SCARB1: variants seen among roughly 807,000 people sequenced by gnomAD.
The protein encoded by SCARB1 is scavenger receptor class B member 1, also known as CD36 and LIMPII analogous 1.
Under a neutral mutation model 57.2 loss-of-function variants are expected in SCARB1, and 30 were observed. The ratio of observed to expected loss-of-function variants is 0.52; its 90% CI spans 0.39 to 0.71. SCARB1 has a LOEUF of 0.71. Ranked by LOEUF, SCARB1 falls within the 30% of genes least tolerant of loss-of-function variation. SCARB1 has a pLI of 0.00. For synonymous variants in SCARB1, 249 were observed against 268.3 expected, an observed-to-expected ratio of 0.93 and a Z score of 0.70; for missense variants, 543 against 671.2, an observed-to-expected ratio of 0.81 and a Z score of 2.11.
intron 1 of SCARB1, among the ~76,000 whole-genome samples, chr12:124,828,075 A>G (rs1951236398): frequency 6.6e-6 from 1 of 152,178 alleles, no homozygotes; most frequent in Non-Finnish European, 1.5e-5. Context: ...AGCGGGTGGT[A>G]ACGCTAGTCC....
Position 124,797,804 on chromosome 12 carries a change from G to A in SCARB1, c.1128+2320C>T, listed in dbSNP as rs926640295. Among the ~76,000 whole-genome samples, 54 of 152,246 alleles carry A rather than the reference G, an allele frequency of 3.5e-4. 1 individual carries two copies. Among genetic ancestry groups the A allele is most frequent in the Non-Finnish European group, 5.0e-4 (34 of 68,044 alleles). ...CGAGAGGGCCTAGTCAGCGGCTAAG[G>A]AGGCCTGGGAGGACAAAGAAAAATG... On this transcript the variant is annotated intron_variant, in intron 8 of 12. Coordinates refer to ENST00000261693, the MANE Select transcript of SCARB1 (RefSeq NM_005505.5).
intron 1 of SCARB1, among the ~76,000 whole-genome samples, chr12:124,835,587 A>T (rs1042221366): frequency 1.1e-4 from 16 of 151,932 alleles, no homozygotes; most frequent in African/African-American, 3.4e-4. Flanking sequence ...TTTTTCATAA[A>T]TTTTTTTTAA....
chr12:124,815,519 T>C (rs1010694758), intron 2 of SCARB1, among the ~76,000 whole-genome samples: 2 of 152,194 alleles, frequency 1.3e-5, no homozygotes, highest in African/African-American at 4.8e-5. Flanking sequence ...CTGCTGTCCT[T>C]ATGATCTCTC....
intron 5 of SCARB1, 26 bp downstream of exon 5, chr12:124,811,844 A>AG (rs754627228): frequency 1.3e-6 from 2 of 1,535,494 alleles, no homozygotes; most frequent in Non-Finnish European, 1.8e-6. Flanking sequence ...CCCTGGCGAC[A>AG]GGGGCCCTCG....
intron 12 of SCARB1, among the ~76,000 whole-genome samples, chr12:124,781,818 C>T: frequency 6.6e-6 from 1 of 151,494 alleles, no homozygotes; most frequent in East Asian, 1.9e-4. Context: ...CCCTCAGATC[C>T]AGTCCCAGGT....
chr12:124,798,837 T>G (rs1594226221), intron 8 of SCARB1, among the ~76,000 whole-genome samples: 1 of 135,954 alleles, frequency 7.4e-6, no homozygotes, highest in African/African-American at 2.9e-5. Flanking sequence ...AGAGTGAAAC[T>G]CCATCTCAGA....
chr12:124,847,666 C>T (rs893128754), intron 1 of SCARB1, among the ~76,000 whole-genome samples: 3 of 152,184 alleles, frequency 2.0e-5, no homozygotes, highest in Admixed American at 6.5e-5. Context: ...GACACATCAC[C>T]GCTCAAAGGC....
chr12:124,836,076 G>A (rs1430277192), intron 1 of SCARB1, among the ~76,000 whole-genome samples: 1 of 152,196 alleles, frequency 6.6e-6, no homozygotes, highest in Non-Finnish European at 1.5e-5. Context: ...CCCTGCCTGA[G>A]CATCCAAAGC....
At chr12:124,806,698 C>A (rs1950336093) in intron 7 of SCARB1, among the ~76,000 whole-genome samples, 1 of 152,104 alleles carries the variant, frequency 6.6e-6, no homozygotes, top group African/African-American at 2.4e-5. Flanking sequence ...TGTTTGAGAC[C>A]AGCCTGGGCA....
chr12:124,813,377 G>A (rs1950590166), intron 4 of SCARB1, among the ~76,000 whole-genome samples: 1 of 152,196 alleles, frequency 6.6e-6, no homozygotes, highest in African/African-American at 2.4e-5. Flanking sequence ...TCTTGAGGAT[G>A]AAAACCACAT....
rs1287981564 is a variant in SCARB1 at position 124,789,991 on chromosome 12, CAG to C, written c.1203-2536_1203-2535del. On this transcript the variant is annotated intron_variant, in intron 9 of 12. Coordinates refer to ENST00000261693, the MANE Select transcript of SCARB1 (RefSeq NM_005505.5). This position sits in a 1 kb window ranked among gnomAD's most constrained non-coding sequence, Gnocchi z 4.4. ...ATGCCATTGCACTCCAGCCTGGCGA[CAG>C]AGTGAGACTCCGTCTCAAAAAAAAA... Among the ~76,000 whole-genome samples the C allele has an allele frequency of 1.3e-4, 18 of 140,080 alleles. No individual in the cohort carries two copies. The highest frequency in any genetic ancestry group is 2.4e-4 in the Non-Finnish European group (16 of 66,828). 91.9% of individuals were successfully genotyped at this position (140,080 alleles called of 152,430 possible). A position where few individuals can be genotyped will look rare whatever the true frequency, so the allele number is the denominator to read the frequency against.
chr12:124,800,448 G>A lies in SCARB1; in HGVS notation c.1010-206C>T, dbSNP rs1438033060. On this transcript the variant is annotated intron_variant, in intron 7 of 12. Coordinates refer to ENST00000261693, the MANE Select transcript of SCARB1 (RefSeq NM_005505.5). The surrounding 1 kb of genome is among the most constrained non-coding windows in gnomAD (Gnocchi z 4.8). ...AAGCTCTGCGCCAGAGAAGGGGTGAGGCAGGAGCCGCTGATTCTGACAGGA... is the reference window on the plus strand; with the variant it reads ...AAGCTCTGCGCCAGAGAAGGGGTGAAGCAGGAGCCGCTGATTCTGACAGGA... Among the ~76,000 whole-genome samples the A allele has an allele frequency of 6.6e-6, 1 of 152,220 alleles. No individual in the cohort carries two copies. Among genetic ancestry groups the A allele is most frequent in the African/African-American group, 2.4e-5 (1 of 41,466 alleles).
At chr12:124,809,675 G>A (rs1246114847) in intron 6 of SCARB1, among the ~76,000 whole-genome samples, 1 of 152,096 alleles carries the variant, frequency 6.6e-6, no homozygotes, top group African/African-American at 2.4e-5. Flanking sequence ...CTAAGTAAAG[G>A]ACTTTTCCAG....
At chr12:124,804,088 T>C (rs894713807) in intron 7 of SCARB1, among the ~76,000 whole-genome samples, 4 of 152,162 alleles carry the variant, frequency 2.6e-5, no homozygotes, top group Non-Finnish European at 5.9e-5. Flanking sequence ...TTCAGCCTTG[T>C]GCTTGGAGTG....
chr12:124,782,607 C>G, intron 12 of SCARB1, 76 bp downstream of exon 12: 3 of 1,464,882 alleles, frequency 2.0e-6, no homozygotes, highest in South Asian at 2.4e-5. Flanking sequence ...AGCAGGACCC[C>G]AAATGTTTTA....
chr12:124,815,406 G>T (rs1950673704), intron 2 of SCARB1, among the ~76,000 whole-genome samples: 1 of 151,880 alleles, frequency 6.6e-6, no homozygotes, highest in Non-Finnish European at 1.5e-5. Flanking sequence ...ACTTCACAGG[G>T]CAGCTGTGGG....
chr12:124,821,421 G>A, intron 1 of SCARB1: 7 of 985,292 alleles, frequency 7.1e-6, no homozygotes, highest in Non-Finnish European at 8.4e-6. Context: ...TGGTTCTGAA[G>A]ATGAATCAGG....
At chr12:124,856,634 AG>A (rs1952642513) in intron 1 of SCARB1, among the ~76,000 whole-genome samples, 1 of 152,196 alleles carries the variant, frequency 6.6e-6, no homozygotes, top group Non-Finnish European at 1.5e-5. Context: ...GTCCTCGAGG[AG>A]CCCCCTCCCC....
chr12:124,786,512 A>G lies in SCARB1; in HGVS notation c.1255-9T>C. On this transcript the variant is annotated splice_polypyrimidine_tract_variant and intron_variant, in intron 10 of 12. Coordinates refer to ENST00000261693, the MANE Select transcript of SCARB1 (RefSeq NM_005505.5). ...CCCTCCATGGCCCCGCTCTGAGGAG[A>G]CAGAATGACAAACACATGAGCTGGG... The G allele has an allele frequency of 6.2e-7, 1 of 1,613,912 alleles. No homozygotes were observed. The highest frequency in any genetic ancestry group is 8.5e-7 in the Non-Finnish European group (1 of 1,180,024).
Sources: allele counts gnomAD v4.1 joint callset (sites outside exome capture counted in the v4.1 genomes callset), GRCh38; gene constraint gnomAD v4.1.1; non-coding constraint Gnocchi (gnomAD v3.1); transcripts MANE v1.5; gene names NCBI Gene and HGNC (gene_info 2026-07-23, HGNC 2026-07-21).